PLXDC2: variants seen among roughly 807,000 people sequenced by gnomAD.
PLXDC2 encodes the protein plexin domain containing 2.
A neutral mutation model predicts 68.9 loss-of-function variants in PLXDC2; 40 were observed. That is an observed-to-expected ratio of 0.58 (90% CI 0.45 to 0.76). The LOEUF (loss-of-function observed/expected upper bound fraction) is 0.76, where lower values mean the gene tolerates loss of function less well. Among genes scored for constraint, PLXDC2 ranks in the 30% least tolerant of loss-of-function variants. The pLI, the probability that PLXDC2 is intolerant of heterozygous loss-of-function variation, is 0.00. For missense variants in PLXDC2, 644 were observed against 661.9 expected, an observed-to-expected ratio of 0.97 and a Z score of 0.30; for synonymous variants, 243 against 234.2, an observed-to-expected ratio of 1.04 and a Z score of -0.34.
intron 1 of PLXDC2, among the ~76,000 whole-genome samples, chr10:19,916,096 T>G (rs955715301): frequency 6.6e-6 from 1 of 151,340 alleles, no homozygotes; most frequent in Non-Finnish European, 1.5e-5. Context: ...AGATAAAATA[T>G]TTACGGGGAA....
chr10:20,236,788 G>C (rs571288479), intron 12 of PLXDC2, among the ~76,000 whole-genome samples: 2 of 152,180 alleles, frequency 1.3e-5, no homozygotes, highest in Admixed American at 6.5e-5. Flanking sequence ...CTGCAGCCTT[G>C]ATCTCTTAAA....
rs535202895 is a variant in PLXDC2 at position 20,192,668 on chromosome 10, G to A, written c.1061+15259G>A. ...TGGAGCATATATTTATATTTCTACA[G>A]CACCCACATAGAGCCAGACACATGA... is the stretch of plus-strand genomic sequence containing the variant. On this transcript the variant is annotated intron_variant, in intron 9 of 13. Coordinates refer to ENST00000377252, the MANE Select transcript of PLXDC2 (RefSeq NM_032812.9). Among the ~76,000 whole-genome samples the A allele has an allele frequency of 1.0e-3, 157 of 151,960 alleles. 2 individuals are homozygous for A. Among genetic ancestry groups the A allele is most frequent in the Non-Finnish European group, 2.0e-3 (133 of 67,928 alleles).
intron 1 of PLXDC2, among the ~76,000 whole-genome samples, chr10:19,885,221 T>G (rs941610323): frequency 1.3e-4 from 20 of 151,942 alleles, no homozygotes; most frequent in Non-Finnish European, 2.5e-4. Flanking sequence ...TCTTGTAAAT[T>G]TGTTGGAGTT....
intron 1 of PLXDC2, among the ~76,000 whole-genome samples, chr10:19,994,450 T>TC (rs1055294980): frequency 2.0e-5 from 3 of 148,692 alleles, no homozygotes; most frequent in African/African-American, 7.5e-5. Flanking sequence ...AACCTCAGCC[T>TC]CCCACATAGC....
chr10:19,849,390 A>G (rs1837073319), intron 1 of PLXDC2, among the ~76,000 whole-genome samples: 1 of 152,156 alleles, frequency 6.6e-6, no homozygotes, highest in Non-Finnish European at 1.5e-5. Flanking sequence ...ATCTAATATA[A>G]TATGATACAT....
intron 4 of PLXDC2, among the ~76,000 whole-genome samples, chr10:20,089,788 A>G (rs900197997): frequency 1.3e-5 from 2 of 152,244 alleles, no homozygotes; most frequent in South Asian, 4.1e-4. Context: ...AGTTCACTGC[A>G]GGTAAAAGAG....
At chr10:20,189,871 A>T (rs1017396596) in intron 9 of PLXDC2, among the ~76,000 whole-genome samples, 14 of 151,656 alleles carry the variant, frequency 9.2e-5, no homozygotes, top group African/African-American at 3.1e-4. Flanking sequence ...CCAGTCTTTA[A>T]TGAGGGACGT....
intron 1 of PLXDC2, among the ~76,000 whole-genome samples, chr10:19,919,629 G>A (rs997278894): frequency 6.6e-6 from 1 of 152,150 alleles, no homozygotes; most frequent in East Asian, 1.9e-4. Flanking sequence ...GACATGTTTG[G>A]TATTATATAA....
intron 4 of PLXDC2, among the ~76,000 whole-genome samples, chr10:20,083,667 G>T (rs114309364): frequency 0.012 from 1,881 of 152,196 alleles, 29 homozygotes; most frequent in African/African-American, 0.04. Flanking sequence ...GCAGTATAAA[G>T]CTTTCTTCAT....
intron 4 of PLXDC2, among the ~76,000 whole-genome samples, chr10:20,087,157 A>G (rs1833209961): frequency 6.6e-6 from 1 of 152,208 alleles, no homozygotes; most frequent in African/African-American, 2.4e-5. Context: ...TGTCTTTCCT[A>G]CAGGAGTCAA....
intron 1 of PLXDC2, among the ~76,000 whole-genome samples, chr10:19,873,374 A>G (rs888867135): frequency 6.8e-6 from 1 of 146,594 alleles, no homozygotes; most frequent in African/African-American, 2.5e-5. Flanking sequence ...GCTTTCCACT[A>G]CTGGAATGTT....
intron 9 of PLXDC2, among the ~76,000 whole-genome samples, chr10:20,204,310 C>A (rs1033496790): frequency 1.3e-5 from 2 of 151,908 alleles, no homozygotes; most frequent in African/African-American, 4.8e-5. Context: ...AATTATTTTC[C>A]CATATCTTAC....
intron 9 of PLXDC2, among the ~76,000 whole-genome samples, chr10:20,195,662 T>C (rs1444887131): frequency 6.6e-6 from 1 of 152,150 alleles, no homozygotes; most frequent in Non-Finnish European, 1.5e-5. Flanking sequence ...CTGGAGTTTA[T>C]TTGTAGTAAA....
chr10:20,257,508 G>C (rs534518576), intron 13 of PLXDC2, among the ~76,000 whole-genome samples: 1 of 152,274 alleles, frequency 6.6e-6, no homozygotes, highest in Non-Finnish European at 1.5e-5. Flanking sequence ...TTAGAGAATA[G>C]AATGAGTTAA....
chr10:20,169,855 T>G (rs1386185012), intron 7 of PLXDC2, among the ~76,000 whole-genome samples: 2 of 152,202 alleles, frequency 1.3e-5, no homozygotes, highest in African/African-American at 4.8e-5. Flanking sequence ...TACTCCAAGT[T>G]ATGACAGTGA....
chr10:20,126,299 AT>A (rs546809842), intron 4 of PLXDC2, among the ~76,000 whole-genome samples: 33 of 147,020 alleles, frequency 2.2e-4, no homozygotes, highest in African/African-American at 8.1e-4. Context: ...TATAATACAT[AT>A]ATACACATAC....
At chr10:20,273,367 A>G (rs1835963657) in intron 13 of PLXDC2, among the ~76,000 whole-genome samples, 1 of 152,076 alleles carries the variant, frequency 6.6e-6, no homozygotes, top group African/African-American at 2.4e-5. Flanking sequence ...ATTTCCTTTC[A>G]TGATTATTAC....
At chr10:20,073,042 C>G (rs545542792) in intron 4 of PLXDC2, among the ~76,000 whole-genome samples, 42 of 152,318 alleles carry the variant, frequency 2.8e-4, no homozygotes, top group Non-Finnish European at 5.3e-4. Flanking sequence ...AAGTTGACTA[C>G]AGGCCATTCT....
At chr10:20,050,079 T>A (rs1232147897) in intron 3 of PLXDC2, among the ~76,000 whole-genome samples, 1 of 152,034 alleles carries the variant, frequency 6.6e-6, no homozygotes, top group African/African-American at 2.4e-5. Context: ...CATCAGACCT[T>A]CAACAAACCT....
Sources: gnomAD v4.1 joint callset for allele counts (sites outside exome capture counted in the v4.1 genomes callset) on GRCh38, gnomAD v4.1.1 for gene constraint, MANE v1.5 for transcripts, NCBI Gene and HGNC (gene_info 2026-07-23, HGNC 2026-07-21) for gene names.